B3GALT4: variants seen among roughly 807,000 people sequenced by gnomAD.
The protein encoded by B3GALT4 is UDP-Gal:betaGlcNAc beta 1,3-galactosyltransferase 4.
Under a neutral mutation model 1.6 loss-of-function variants are expected in B3GALT4, and 1 was observed. That is an observed-to-expected ratio of 0.64 (90% confidence interval 0.23 to 3.05). The LOEUF is 3.05. Among genes scored for constraint, B3GALT4 ranks in the 30% most tolerant of loss-of-function variants. The pLI, the probability that B3GALT4 is intolerant of heterozygous loss-of-function variation, is 0.21. For missense variants in B3GALT4, 441 were observed against 486.9 expected (o/e 0.91, Z 0.89); for synonymous variants, 259 against 222.6 (o/e 1.16, Z -1.46).
Position 33,278,654 on chromosome 6 carries a change from A to G in B3GALT4, c.*98A>G. On this transcript the variant is annotated 3_prime_UTR_variant, in exon 1 of 1. Coordinates refer to ENST00000451237, the MANE Select transcript of B3GALT4 (RefSeq NM_003782.4). This position sits in a 1 kb window ranked among gnomAD's most constrained non-coding sequence, Gnocchi z 5.2. Reference sequence around the variant, plus strand: ...GGCTGCAGCTGATCTGTTTCCTTATACCAGATCCTCAGTCTCACTAAAGAC... The same window carrying G: ...GGCTGCAGCTGATCTGTTTCCTTATGCCAGATCCTCAGTCTCACTAAAGAC... The G allele has an allele frequency of 6.9e-7, 1 of 1,457,524 alleles. No individual in the cohort carries two copies. Among genetic ancestry groups the G allele is most frequent in the South Asian group, 1.6e-5 (1 of 64,330 alleles). The allele number at this position is 1,457,524 out of a possible 1,614,324, so 90.3% of individuals were successfully genotyped here. A position where few individuals can be genotyped will look rare whatever the true frequency, so the allele number is the denominator to read the frequency against.
Position 33,277,328 on chromosome 6 carries a change from G to A in B3GALT4, c.-92G>A. ...GCGCGCTCAGACCTCCGCATCCCGG[G>A]CGTGGTCGGTTAAGTCCCCGGCCGT... On this transcript the variant is annotated 5_prime_UTR_variant, in exon 1 of 1. Coordinates refer to ENST00000451237, the MANE Select transcript of B3GALT4 (RefSeq NM_003782.4). The surrounding 1 kb of genome is among the most constrained non-coding windows in gnomAD (Gnocchi z 5.3). 1 of 1,503,456 alleles carries A rather than the reference G, an allele frequency of 6.7e-7. No homozygotes were observed. The highest frequency in any genetic ancestry group is 1.3e-5 in the South Asian group (1 of 76,320). 93.1% of individuals were successfully genotyped at this position (1,503,456 alleles called of 1,614,324 possible).
In B3GALT4 at chr6:33,277,227, C is replaced by T. The variant is rs1581654796; in HGVS notation, c.-193C>T. On this transcript the variant is annotated 5_prime_UTR_variant, in exon 1 of 1. Transcript: ENST00000451237. This position sits in a 1 kb window ranked among gnomAD's most constrained non-coding sequence, Gnocchi z 5.3. ...CGAGGCCGCGGCGACAAGGTAGCCA[C>T]CCCCGCAGCATGCCTCGACCGCGGT... 1 of 955,086 alleles carries T rather than the reference C, an allele frequency of 1.0e-6. No individual in the cohort carries two copies. The highest frequency in any genetic ancestry group is 1.5e-6 in the Non-Finnish European group (1 of 685,572). 59.2% of individuals were successfully genotyped at this position (955,086 alleles called of 1,614,324 possible).
Position 33,277,521 on chromosome 6 carries a change from C to A in B3GALT4, c.102C>A (p.Ser34Arg). Reference protein sequence around the residue: ...GPSGLGEELLSLSLASLLPAP... With the variant: ...GPSGLGEELLRLSLASLLPAP... ...CGGGGTTGGGGGAGGAGCTGCTGAG[C>A]CTCTCACTAGCCTCCCTGCTCCCAG... Residue 34 changes from serine to arginine, a missense_variant, in exon 1 of 1, where the codon AGC becomes AGA. Coordinates refer to ENST00000451237, the MANE Select transcript of B3GALT4 (RefSeq NM_003782.4). The surrounding 1 kb of genome is among the most constrained non-coding windows in gnomAD (Gnocchi z 5.3). 6.2e-7 allele frequency: 1 copy of A among 1,612,590 alleles called. No individual in the cohort carries two copies. The highest frequency in any genetic ancestry group is 1.1e-5 in the South Asian group (1 of 91,038).
rs1470217475 is a variant in B3GALT4, at chr6:33,277,143, G to A, written c.-277G>A. 5.0e-6 allele frequency: 2 copies of A among 399,220 alleles called. No homozygotes were observed. Among genetic ancestry groups the A allele is most frequent in the Admixed American group, 4.7e-5 (1 of 21,468 alleles). The allele number at this position is 399,220 out of a possible 1,614,324, so 24.7% of individuals were successfully genotyped here. ...GCGGCAGACCGGCCGCCGGGGCGAG[G>A]CGGGGGAGGGGCCGTGAGTGCCGCA... is the stretch of plus-strand genomic sequence containing the variant. On this transcript the variant is annotated 5_prime_UTR_variant, in exon 1 of 1. Transcript: ENST00000451237. This position sits in a 1 kb window ranked among gnomAD's most constrained non-coding sequence, Gnocchi z 5.3.
At position 33,278,470 on chromosome 6, in the gene B3GALT4, G is replaced by A. The variant is rs369629453; in HGVS notation, c.1051G>A (p.Gly351Arg). The change falls in exon 1 of 1, where the codon GGG becomes AGG. Residue 351 changes from glycine to arginine, a missense_variant. Transcript: ENST00000451237. This position sits in a 1 kb window ranked among gnomAD's most constrained non-coding sequence, Gnocchi z 5.2. ...EAWKLVGGSD[G>R]ERTAPFCSWF... The stretch of plus-strand genomic sequence containing the variant: ...CTGGAAGCTGGTGGGTGGCTCTGAC[G>A]GGGAAAGGACTGCGCCCTTTTGCTC... The A allele has an allele frequency of 8.7e-6, 14 of 1,609,060 alleles. No homozygotes were observed. The highest frequency in any genetic ancestry group is 1.0e-5 in the Non-Finnish European group (12 of 1,177,152).
At position 33,277,516 on chromosome 6, in the gene B3GALT4, C is replaced by T; in HGVS notation, c.97C>T (p.Leu33=). 6.2e-7 allele frequency: 1 copy of T among 1,612,714 alleles called. No homozygotes were observed. The highest frequency in any genetic ancestry group is 8.5e-7 in the Non-Finnish European group (1 of 1,179,906). Reference sequence around the variant, plus strand: ...GCCTTCGGGGTTGGGGGAGGAGCTGCTGAGCCTCTCACTAGCCTCCCTGCT... The same window carrying T: ...GCCTTCGGGGTTGGGGGAGGAGCTGTTGAGCCTCTCACTAGCCTCCCTGCT... The part of the protein sequence containing the change: ...FGPSGLGEEL[L]SLSLASLLPA... The change falls in exon 1 of 1, where the codon CTG becomes TTG. Residue 33 remains leucine, a synonymous_variant. Coordinates refer to ENST00000451237, the MANE Select transcript of B3GALT4 (RefSeq NM_003782.4). The surrounding 1 kb of genome is among the most constrained non-coding windows in gnomAD (Gnocchi z 5.3).
At position 33,278,549 on chromosome 6, in the gene B3GALT4, A is replaced by T. The variant is rs766034930; in HGVS notation, c.1130A>T (p.Gln377Leu). The T allele has an allele frequency of 3.6e-5, 55 of 1,526,870 alleles. No individual in the cohort carries two copies. Among genetic ancestry groups the T allele is most frequent in the Non-Finnish European group, 4.8e-5 (55 of 1,136,482 alleles). The allele number at this position is 1,526,870 out of a possible 1,614,324, so 94.6% of individuals were successfully genotyped here. Residue 377 changes from glutamine (Q) to leucine (L), a missense_variant, in exon 1 of 1, where the codon CAG (glutamine) becomes CTG (leucine). Physicochemically the swap from Gln to Leu is moderately radical, Grantham distance 113 (BLOSUM62 -2). Transcript: ENST00000451237. This position sits in a 1 kb window ranked among gnomAD's most constrained non-coding sequence, Gnocchi z 5.2. The stretch of plus-strand genomic sequence containing the variant: ...CGGTGTCGAGCAATAGCCTGGCTTC[A>T]GAGCTGAGAGTGCCTGGGGCCACAG... The part of the protein sequence containing the change: ...ILRCRAIAWL[Q>L]S
chr6:33,277,656 G>C lies in B3GALT4; in HGVS notation c.237G>C (p.Thr79=). 2.5e-6 allele frequency: 4 copies of C among 1,613,932 alleles called. No homozygotes were observed. The highest frequency in any genetic ancestry group is 3.4e-6 in the Non-Finnish European group (4 of 1,180,020). Residue 79 remains threonine (T), a synonymous_variant, in exon 1 of 1, where the codon ACG becomes ACC. Transcript: ENST00000451237. This position sits in a 1 kb window ranked among gnomAD's most constrained non-coding sequence, Gnocchi z 5.3. The part of the protein sequence containing the change: ...APPFLLILVC[T]APENLNQRNA... ...CCTTCCTGCTCATCCTGGTGTGCAC[G>C]GCTCCGGAGAACCTGAACCAGAGAA...
chr6:33,278,007 G>C lies in B3GALT4; in HGVS notation c.588G>C (p.Trp196Cys), dbSNP rs374988757. Residue 196 changes from tryptophan (W) to cysteine (C), a missense_variant, in exon 1 of 1, where the codon TGG becomes TGC. Physicochemically the swap from Trp to Cys is radical, Grantham distance 215. Transcript: ENST00000451237. This position sits in a 1 kb window ranked among gnomAD's most constrained non-coding sequence, Gnocchi z 5.2. Reference protein sequence around the residue: ...VSELVLRGGRWGQWERSTEPQ... With the variant: ...VSELVLRGGRCGQWERSTEPQ... ...AGCTGGTCTTGCGAGGGGGCCGTTGGGGGCAATGGGAGAGAAGCACGGAAC... is the reference window on the plus strand; with the variant it reads ...AGCTGGTCTTGCGAGGGGGCCGTTGCGGGCAATGGGAGAGAAGCACGGAAC... 1 of 1,614,034 alleles carries C rather than the reference G, an allele frequency of 6.2e-7. No homozygotes were observed. The highest frequency in any genetic ancestry group is 8.5e-7 in the Non-Finnish European group (1 of 1,180,008).
In B3GALT4 at chr6:33,277,756, G is replaced by T; in HGVS notation, c.337G>T (p.Glu113Ter). ...GGTACAGACGCTATTCTTGCTGGGAGAGCCGAACGCACAGCACCCCGTGTG... is the reference window on the plus strand; with the variant it reads ...GGTACAGACGCTATTCTTGCTGGGATAGCCGAACGCACAGCACCCCGTGTG... ...LRVQTLFLLG[E>*]PNAQHPVWGS... The change falls in exon 1 of 1, where the codon GAG becomes TAG. Residue 113 changes from glutamate to a stop codon, truncating the protein, a stop_gained. Coordinates refer to ENST00000451237, the MANE Select transcript of B3GALT4 (RefSeq NM_003782.4). LOFTEE classifies it low-confidence loss of function (END_TRUNC). This position sits in a 1 kb window ranked among gnomAD's most constrained non-coding sequence, Gnocchi z 5.3. 6.2e-7 allele frequency: 1 copy of T among 1,613,734 alleles called. No homozygotes were observed. The highest frequency in any genetic ancestry group is 8.5e-7 in the Non-Finnish European group (1 of 1,180,004).
chr6:33,277,787 C>T lies in B3GALT4; in HGVS notation c.368C>T (p.Ser123Phe), dbSNP rs753990904. The T allele has an allele frequency of 3.1e-6, 5 of 1,613,708 alleles. No individual in the cohort carries two copies. The highest frequency in any genetic ancestry group is 4.2e-6 in the Non-Finnish European group (5 of 1,180,000). ...AACGCACAGCACCCCGTGTGGGGTT[C>T]CCAGGGGAGTGACCTGGCCTCGGAG... Reference protein sequence around the residue: ...EPNAQHPVWGSQGSDLASESA... With the variant: ...EPNAQHPVWGFQGSDLASESA... Residue 123 changes from serine to phenylalanine, a missense_variant, in exon 1 of 1, where the codon TCC becomes TTC. By Grantham distance (155) the Ser-to-Phe change is radical (BLOSUM62 -2). Transcript: ENST00000451237. The surrounding 1 kb of genome is among the most constrained non-coding windows in gnomAD (Gnocchi z 5.3).
In B3GALT4 at chr6:33,277,427, T is replaced by C. The variant is rs1765725765; in HGVS notation, c.8T>C (p.Leu3Pro). MQ[L>P]RLFRRLLLAA... is the part of the protein sequence containing the mutation. ...CTCGGAGTACGCCGCACCATGCAGCTCAGGCTCTTCCGGCGCCTCCTTCTC... is the reference window on the plus strand; with the variant it reads ...CTCGGAGTACGCCGCACCATGCAGCCCAGGCTCTTCCGGCGCCTCCTTCTC... Residue 3 changes from leucine (L) to proline (P), a missense_variant, in exon 1 of 1, where the codon CTC becomes CCC. Leu to Pro is a moderately conservative substitution (Grantham distance 98). Coordinates refer to ENST00000451237, the MANE Select transcript of B3GALT4 (RefSeq NM_003782.4). The surrounding 1 kb of genome is among the most constrained non-coding windows in gnomAD (Gnocchi z 5.3). 1 of 1,611,180 alleles carries C rather than the reference T, an allele frequency of 6.2e-7. No individual in the cohort carries two copies. Among genetic ancestry groups the C allele is most frequent in the Non-Finnish European group, 8.5e-7 (1 of 1,179,898 alleles).
rs1446870386 is a variant in B3GALT4 at position 33,277,197 on chromosome 6, GGCGGCGAGGCC to G, written c.-215_-205del. Reference sequence around the variant, plus strand: ...GGCCAGCCATGGAGCGGAGCTTGCTGGCGGCGAGGCCGCGGCGACAAGGTAGCCACCCCCGC... The same window carrying G: ...GGCCAGCCATGGAGCGGAGCTTGCTGGCGGCGACAAGGTAGCCACCCCCGC... On this transcript the variant is annotated 5_prime_UTR_variant, in exon 1 of 1. An upstream open reading frame in the 5' UTR gains an earlier in-frame stop. Transcript: ENST00000451237. This position sits in a 1 kb window ranked among gnomAD's most constrained non-coding sequence, Gnocchi z 5.3. The G allele has an allele frequency of 1.8e-5, 12 of 652,128 alleles. No homozygotes were observed. Among genetic ancestry groups the G allele is most frequent in the South Asian group, 1.0e-4 (4 of 39,192 alleles). The allele number at this position is 652,128 out of a possible 1,614,324, so 40.4% of individuals were successfully genotyped here. A position where few individuals can be genotyped will look rare whatever the true frequency, so the allele number is the denominator to read the frequency against.
chr6:33,277,278 C>A lies in B3GALT4; in HGVS notation c.-142C>A. 2 of 1,441,568 alleles carry A rather than the reference C, an allele frequency of 1.4e-6. No individual in the cohort carries two copies. Among genetic ancestry groups the A allele is most frequent in the South Asian group, 2.8e-5 (2 of 71,444 alleles). 89.3% of individuals were successfully genotyped at this position (1,441,568 alleles called of 1,614,324 possible). On this transcript the variant is annotated 5_prime_UTR_variant, in exon 1 of 1. Transcript: ENST00000451237. The surrounding 1 kb of genome is among the most constrained non-coding windows in gnomAD (Gnocchi z 5.3). The stretch of plus-strand genomic sequence containing the variant: ...CCGCAGCTGCACCGCCTCTCCCCGC[C>A]CCCCAGGGTGCGCTGGTCCCGGTCG...
At position 33,277,400 on chromosome 6, in the gene B3GALT4, C is replaced by T. The variant is rs1311348232; in HGVS notation, c.-20C>T. ...TCTCCGCCCTTCGCTCTTACGGATCCCCTCGGAGTACGCCGCACCATGCAG... is the reference window on the plus strand; with the variant it reads ...TCTCCGCCCTTCGCTCTTACGGATCTCCTCGGAGTACGCCGCACCATGCAG... On this transcript the variant is annotated 5_prime_UTR_variant, in exon 1 of 1. Coordinates refer to ENST00000451237, the MANE Select transcript of B3GALT4 (RefSeq NM_003782.4). The surrounding 1 kb of genome is among the most constrained non-coding windows in gnomAD (Gnocchi z 5.3). 1.2e-6 allele frequency: 2 copies of T among 1,604,998 alleles called. No homozygotes were observed. The highest frequency in any genetic ancestry group is 2.2e-5 in the East Asian group (1 of 44,842).
At position 33,277,578 on chromosome 6, in the gene B3GALT4, G is replaced by T. The variant is rs2231259; in HGVS notation, c.159G>T (p.Leu53=). ...APASPGPPLA[L]PRLLIPNQEA... ...CCTCACCGGGGCCGCCCCTGGCCCT[G>T]CCCCGCCTCTTGATCCCCAACCAGG... The change falls in exon 1 of 1, where the codon CTG becomes CTT. Residue 53 remains leucine, a synonymous_variant. Transcript: ENST00000451237. The surrounding 1 kb of genome is among the most constrained non-coding windows in gnomAD (Gnocchi z 5.3). 551 of 1,611,766 alleles carry T rather than the reference G, an allele frequency of 3.4e-4. No homozygotes were observed. In the East Asian group the frequency reaches 0.012, roughly 35 times the overall value.
At position 33,278,639 on chromosome 6, in the gene B3GALT4, G is replaced by A. The variant is rs1765840109; in HGVS notation, c.*83G>A. 3 of 1,489,962 alleles carry A rather than the reference G, an allele frequency of 2.0e-6. No homozygotes were observed. The highest frequency in any genetic ancestry group is 2.7e-6 in the Non-Finnish European group (3 of 1,119,190). The allele number at this position is 1,489,962 out of a possible 1,614,324, so 92.3% of individuals were successfully genotyped here. ...GCAGGGGCCCTCACTGGCTGCAGCT[G>A]ATCTGTTTCCTTATACCAGATCCTC... On this transcript the variant is annotated 3_prime_UTR_variant, in exon 1 of 1. Transcript: ENST00000451237. This position sits in a 1 kb window ranked among gnomAD's most constrained non-coding sequence, Gnocchi z 5.2.
Position 33,277,291 on chromosome 6 carries a change from C to T in B3GALT4, c.-129C>T. 10 of 1,470,006 alleles carry T rather than the reference C, an allele frequency of 6.8e-6. No homozygotes were observed. The highest frequency in any genetic ancestry group is 6.3e-6 in the Non-Finnish European group (7 of 1,117,004). 91.1% of individuals were successfully genotyped at this position (1,470,006 alleles called of 1,614,324 possible). On this transcript the variant is annotated 5_prime_UTR_variant, in exon 1 of 1. Transcript: ENST00000451237. This position sits in a 1 kb window ranked among gnomAD's most constrained non-coding sequence, Gnocchi z 5.3. ...GCCTCTCCCCGCCCCCCAGGGTGCG[C>T]TGGTCCCGGTCGCGCGCTCAGACCT...
chr6:33,277,721 G>C lies in B3GALT4; in HGVS notation c.302G>C (p.Arg101Pro), dbSNP rs747584825. 1.9e-6 allele frequency: 3 copies of C among 1,613,756 alleles called. No homozygotes were observed. Among genetic ancestry groups the C allele is most frequent in the Non-Finnish European group, 2.5e-6 (3 of 1,180,002 alleles). ...TCGTGGGGCGGGCTGCGCGAGGCCC[G>C]GGGGCTCAGGGTACAGACGCTATTC... ...RASWGGLREARGLRVQTLFLL... is the reference protein window; with the variant it reads ...RASWGGLREAPGLRVQTLFLL... Residue 101 changes from arginine (R) to proline (P), a missense_variant, in exon 1 of 1, where the codon CGG becomes CCG. Transcript: ENST00000451237. The surrounding 1 kb of genome is among the most constrained non-coding windows in gnomAD (Gnocchi z 5.3).
Sources: allele counts gnomAD v4.1 joint callset, GRCh38; gene constraint gnomAD v4.1.1; non-coding constraint Gnocchi (gnomAD v3.1); transcripts MANE v1.5; gene names NCBI Gene and HGNC (gene_info 2026-07-23, HGNC 2026-07-21).